CBFA2T3: variants seen among roughly 807,000 people sequenced by gnomAD.
CBFA2T3 encodes the protein transcriptional corepressor CBFA2T3.
A neutral mutation model predicts 58.6 loss-of-function variants in CBFA2T3; 31 were observed. The observed-to-expected ratio is 0.53, with a 90% confidence interval of 0.40 to 0.71. The LOEUF is 0.71. Ranked by LOEUF, CBFA2T3 falls within the 30% of genes least tolerant of loss-of-function variation. The probability of loss-of-function intolerance (pLI) is 0.00; values close to 1 mark genes in which losing one functional copy is unlikely to be tolerated. For synonymous variants in CBFA2T3, 531 were observed against 421.9 expected, an observed-to-expected ratio of 1.26 and a Z score of -3.17; for missense variants, 1,076 against 963.1, an observed-to-expected ratio of 1.12 and a Z score of -1.55.
intron 2 of CBFA2T3, among the ~76,000 whole-genome samples, chr16:88,899,561 C>G (rs74035889): frequency 0.031 from 4,680 of 152,226 alleles, 244 homozygotes; most frequent in African/African-American, 0.11. Context: ...TGCCGGCTGC[C>G]CTCACATCCG....
intron 8 of CBFA2T3, among the ~76,000 whole-genome samples, chr16:88,882,389 ATGGCTGTGTGTGTGGGTG>A: frequency 1.4e-5 from 2 of 140,774 alleles, no homozygotes; most frequent in South Asian, 4.6e-4. Context: ...GTGCATGGGT[ATGGCTGTGTGTGTGGGTG>A]TGGCTGTGTG....
At position 88,898,127 on chromosome 16, in the gene CBFA2T3, C is replaced by T; in HGVS notation, c.330G>A (p.Leu110=). 6.2e-7 allele frequency: 1 copy of T among 1,613,116 alleles called. No individual in the cohort carries two copies. Among genetic ancestry groups the T allele is most frequent in the South Asian group, 1.1e-5 (1 of 91,086 alleles). Residue 110 remains leucine, a synonymous_variant, in exon 3 of 12, where the codon CTG becomes CTA. Coordinates refer to ENST00000268679, the MANE Select transcript of CBFA2T3 (RefSeq NM_005187.6). ...AGCAGCCATGAAAACGGCCGTGGGG[C>T]AGCGTCGCAGGCCCGTCCTCTCGAT... ...HTHREDGPAT[L]PHGRFHGCLK...
intron 1 of CBFA2T3, among the ~76,000 whole-genome samples, chr16:88,924,851 G>A (rs1971034442): frequency 6.6e-6 from 1 of 152,352 alleles, no homozygotes; most frequent in South Asian, 2.1e-4. Flanking sequence ...CACAGCTTCG[G>A]GCTGATGGAG....
At chr16:88,966,923 G>C (rs894858627) in intron 1 of CBFA2T3, among the ~76,000 whole-genome samples, 4 of 152,218 alleles carry the variant, frequency 2.6e-5, no homozygotes, top group Admixed American at 2.6e-4. Context: ...CCCAGGATGA[G>C]AACTTCGTAT....
intron 5 of CBFA2T3, among the ~76,000 whole-genome samples, chr16:88,889,813 C>G (rs181204910): frequency 7.3e-6 from 1 of 136,420 alleles, no homozygotes; most frequent in Admixed American, 7.3e-5. Context: ...TCCAGGGACA[C>G]TTCAAATCCC....
intron 1 of CBFA2T3, among the ~76,000 whole-genome samples, chr16:88,934,025 A>T (rs1374109355): frequency 6.6e-6 from 1 of 152,230 alleles, no homozygotes; most frequent in African/African-American, 2.4e-5. Flanking sequence ...GTTAAGTAAG[A>T]TTATATATTA....
chr16:88,915,745 G>A (rs140545688), intron 1 of CBFA2T3, among the ~76,000 whole-genome samples: 5 of 119,470 alleles, frequency 4.2e-5, no homozygotes, highest in Admixed American at 7.8e-5. Flanking sequence ...GGGAGCGTGG[G>A]GGGGGAGTGT....
intron 1 of CBFA2T3, among the ~76,000 whole-genome samples, chr16:88,970,509 G>A (rs932871748): frequency 6.6e-6 from 1 of 152,190 alleles, no homozygotes; most frequent in African/African-American, 2.4e-5. Flanking sequence ...CTGGTTTCCT[G>A]ACCTTTCTGA....
At chr16:88,930,615 G>A (rs1443449619) in intron 1 of CBFA2T3, among the ~76,000 whole-genome samples, 1 of 150,448 alleles carries the variant, frequency 6.6e-6, no homozygotes, top group African/African-American at 2.5e-5. Flanking sequence ...ACCTTCATCC[G>A]CGGTGTCCAG....
intron 1 of CBFA2T3, among the ~76,000 whole-genome samples, chr16:88,906,811 G>A (rs944454804): frequency 2.0e-5 from 3 of 152,222 alleles, no homozygotes; most frequent in African/African-American, 4.8e-5. Context: ...GCATGTGCCT[G>A]CAGCCCCCAG....
At chr16:88,916,167 C>A (rs144553620) in intron 1 of CBFA2T3, among the ~76,000 whole-genome samples, 1 of 131,876 alleles carries the variant, frequency 7.6e-6, no homozygotes, top group Non-Finnish European at 1.6e-5. Flanking sequence ...TGTATTCATG[C>A]GTGTATTCAT....
In CBFA2T3 at chr16:88,892,451, G is replaced by A; in HGVS notation, c.414C>T (p.Ile138=). 2 of 1,613,312 alleles carry A rather than the reference G, an allele frequency of 1.2e-6. No homozygotes were observed. Among genetic ancestry groups the A allele is most frequent in the Non-Finnish European group, 1.7e-6 (2 of 1,179,904 alleles). The part of the protein sequence containing the change: ...MNGSSHSPTA[I]NGAPCTPNGF... ...CGTTGGGTGTGCACGGTGCACCATT[G>A]ATGGCTGTTGGTGAGTGGCTGCTGC... The change falls in exon 4 of 12, where the codon ATC becomes ATT. Residue 138 remains isoleucine (I), a synonymous_variant. Transcript: ENST00000268679.
intron 1 of CBFA2T3, among the ~76,000 whole-genome samples, chr16:88,910,971 C>T (rs1317953820): frequency 6.6e-6 from 1 of 152,192 alleles, no homozygotes; most frequent in Non-Finnish European, 1.5e-5. Context: ...CGCTGCCCTG[C>T]GGCCGCCTCC....
At chr16:88,889,033 G>A in intron 5 of CBFA2T3, among the ~76,000 whole-genome samples, 1 of 151,990 alleles carries the variant, frequency 6.6e-6, no homozygotes, top group Non-Finnish European at 1.5e-5. Context: ...GCGTTTCTCT[G>A]CCTGACCCTG....
At chr16:88,889,283 A>T (rs1232659306) in intron 5 of CBFA2T3, among the ~76,000 whole-genome samples, 8 of 133,670 alleles carry the variant, frequency 6.0e-5, no homozygotes, top group African/African-American at 2.0e-4. Context: ...GGGCGGAGGA[A>T]GGCGGGAGGA....
intron 3 of CBFA2T3, among the ~76,000 whole-genome samples, chr16:88,897,539 G>T (rs1401622975): frequency 6.6e-6 from 1 of 152,248 alleles, no homozygotes. Flanking sequence ...AGTCTGCTGA[G>T]CTCTCAGCAT....
chr16:88,906,385 G>A (rs1050681950), intron 1 of CBFA2T3, among the ~76,000 whole-genome samples: 1 of 152,218 alleles, frequency 6.6e-6, no homozygotes, highest in Non-Finnish European at 1.5e-5. Context: ...CACAGGAAGA[G>A]GCCTGGCCGC....
intron 1 of CBFA2T3, among the ~76,000 whole-genome samples, chr16:88,934,120 C>A (rs1971410591): frequency 6.6e-6 from 1 of 151,830 alleles, no homozygotes; most frequent in Admixed American, 6.5e-5. Flanking sequence ...CCTTCCCTGG[C>A]ATGCCGAAGC....
chr16:88,974,787 C>A (rs1972754926), intron 1 of CBFA2T3, among the ~76,000 whole-genome samples: 1 of 152,214 alleles, frequency 6.6e-6, no homozygotes, highest in Non-Finnish European at 1.5e-5. Flanking sequence ...GGCCCCCGCT[C>A]CTCCAGCCAG....
Sources: gnomAD v4.1 joint callset for allele counts (sites outside exome capture counted in the v4.1 genomes callset) on GRCh38, gnomAD v4.1.1 for gene constraint, MANE v1.5 for transcripts, NCBI Gene and HGNC (gene_info 2026-07-23, HGNC 2026-07-21) for gene names.